The following PCDHA12 variants were observed in gnomAD, a reference collection of about 807,000 sequenced individuals.
PCDHA12 encodes protocadherin alpha-12.
In PCDHA12, 44 loss-of-function variants were observed where a neutral mutation model predicts 60.0. The ratio of observed to expected loss-of-function variants is 0.73; its 90% CI spans 0.58 to 0.94. The LOEUF is 0.94. Ranked by LOEUF, PCDHA12 falls within the 40% of genes least tolerant of loss-of-function variation. The probability of loss-of-function intolerance (pLI) is 0.00; values close to 1 mark genes in which losing one functional copy is unlikely to be tolerated. For synonymous variants in PCDHA12, 569 were observed against 553.0 expected, an observed-to-expected ratio of 1.03 and a Z score of -0.40; for missense variants, 1,276 against 1,239.7, an observed-to-expected ratio of 1.03 and a Z score of -0.44.
chr5:140,994,233 T>A (rs2097606681), intron 3 of PCDHA12, among the ~76,000 whole-genome samples: 1 of 152,138 alleles, frequency 6.6e-6, no homozygotes, highest in Admixed American at 6.5e-5. Context: ...TATGTTATAA[T>A]CAATTCAAAC....
intron 3 of PCDHA12, among the ~76,000 whole-genome samples, chr5:140,986,987 G>A (rs1269328331): frequency 2.6e-5 from 4 of 152,114 alleles, no homozygotes; most frequent in Non-Finnish European, 4.4e-5. Flanking sequence ...GCCAAGGCAG[G>A]CAGATCACTT....
At chr5:141,006,058 G>T (rs1002161598) in intron 3 of PCDHA12, among the ~76,000 whole-genome samples, 2 of 149,786 alleles carry the variant, frequency 1.3e-5, no homozygotes, top group Non-Finnish European at 3.0e-5. Flanking sequence ...GAGTGGAGAA[G>T]AAATAAAAAT....
chr5:140,879,948 C>T (rs1025902128), intron 1 of PCDHA12, among the ~76,000 whole-genome samples: 1 of 152,168 alleles, frequency 6.6e-6, no homozygotes, highest in Non-Finnish European at 1.5e-5. Context: ...ATTTAGGGCC[C>T]ATCTGGATAA....
At chr5:140,877,928 TTC>T in intron 1 of PCDHA12, 89 bp downstream of exon 1, 1 of 1,415,260 alleles carries the variant, frequency 7.1e-7, no homozygotes, top group Non-Finnish European at 9.3e-7. Context: ...TTCTTTATGA[TTC>T]TATCCTTTAA....
chr5:140,973,554 C>T (rs897513375), intron 1 of PCDHA12, among the ~76,000 whole-genome samples: 3 of 152,316 alleles, frequency 2.0e-5, no homozygotes, highest in Admixed American at 6.5e-5. Flanking sequence ...TTTCAATTAC[C>T]TCTTTCCTCA....
At chr5:140,945,178 C>T (rs2093753648) in intron 1 of PCDHA12, among the ~76,000 whole-genome samples, 2 of 151,902 alleles carry the variant, frequency 1.3e-5, no homozygotes, top group Admixed American at 1.3e-4. Flanking sequence ...AAAAATAAAT[C>T]AAGAAAACCA....
chr5:140,979,060 C>T, intron 2 of PCDHA12, 53 bp downstream of exon 2: 1 of 1,606,180 alleles, frequency 6.2e-7, no homozygotes, highest in Non-Finnish European at 8.5e-7. Context: ...TGGTATGGCT[C>T]AGATAAACTG....
intron 1 of PCDHA12, chr5:140,926,589 G>A: frequency 3.4e-6 from 1 of 292,780 alleles, no homozygotes; most frequent in Non-Finnish European, 6.2e-6. Context: ...TCTCGCGCCC[G>A]GGCGGGCGGC....
intron 1 of PCDHA12, among the ~76,000 whole-genome samples, chr5:140,907,970 A>G (rs1312755290): frequency 6.6e-6 from 1 of 152,158 alleles, no homozygotes; most frequent in African/African-American, 2.4e-5. Context: ...CAATTTTCCA[A>G]TCATGCTTCT....
chr5:140,944,410 C>G (rs1339076109), intron 1 of PCDHA12, among the ~76,000 whole-genome samples: 1 of 152,272 alleles, frequency 6.6e-6, no homozygotes, highest in Middle Eastern at 3.4e-3. Flanking sequence ...TGGTCTCGAA[C>G]TCCTGATCTG....
chr5:140,912,993 T>C (rs186652657), intron 1 of PCDHA12, among the ~76,000 whole-genome samples: 1 of 152,294 alleles, frequency 6.6e-6, no homozygotes, highest in Non-Finnish European at 1.5e-5. Flanking sequence ...TTCAGTTTGC[T>C]AGTATTTTGT....
chr5:140,884,967 G>A (rs895578956), intron 1 of PCDHA12, among the ~76,000 whole-genome samples: 2 of 152,134 alleles, frequency 1.3e-5, no homozygotes, highest in African/African-American at 4.8e-5. Context: ...CTCACGTTGT[G>A]AGAACTTAAA....
At position 140,875,743 on chromosome 5, in the gene PCDHA12, G is replaced by T. The variant is rs782705899; in HGVS notation, c.271G>T (p.Asp91Tyr). Reference protein sequence around the residue: ...NGILFVNSRIDREKLCGRSAE... With the variant: ...NGILFVNSRIYREKLCGRSAE... ...CATTTTGTTTGTGAATTCTCGGATCGACCGCGAGAAGCTGTGCGGGCGGAG... is the reference window on the plus strand; with the variant it reads ...CATTTTGTTTGTGAATTCTCGGATCTACCGCGAGAAGCTGTGCGGGCGGAG... The change falls in exon 1 of 4, where the codon GAC becomes TAC. Residue 91 changes from aspartate to tyrosine, a missense_variant. By Grantham distance (160) the Asp-to-Tyr change is radical. Coordinates refer to ENST00000398631, the MANE Select transcript of PCDHA12 (RefSeq NM_018903.4). 1.8e-5 allele frequency: 29 copies of T among 1,614,226 alleles called. No individual in the cohort carries two copies. The highest frequency in any genetic ancestry group is 2.2e-5 in the Non-Finnish European group (26 of 1,180,038).
chr5:141,011,122 A>G lies in PCDHA12; in HGVS notation c.*1185A>G, dbSNP rs1554263297. On this transcript the variant is annotated 3_prime_UTR_variant, in exon 4 of 4. Transcript: ENST00000398631. ...TCTCTCTCTTTTCTAAGAAACAATT[A>G]TGTGCACTTTGATACACAACCTTCT... 1 of 153,686 alleles carries G rather than the reference A, an allele frequency of 6.5e-6. No homozygotes were observed. Among genetic ancestry groups the G allele is most frequent in the Non-Finnish European group, 1.5e-5 (1 of 68,034 alleles). 9.5% of individuals were successfully genotyped at this position (153,686 alleles called of 1,614,324 possible).
At chr5:140,977,559 A>G (rs1383080307) in intron 1 of PCDHA12, among the ~76,000 whole-genome samples, 2 of 152,204 alleles carry the variant, frequency 1.3e-5, no homozygotes. Context: ...ATATCTTGCT[A>G]GCAGATTGGT....
chr5:140,968,739 T>C, intron 1 of PCDHA12: 1 of 1,614,192 alleles, frequency 6.2e-7, no homozygotes, highest in South Asian at 1.1e-5. Context: ...ACTTTCAACC[T>C]GACCGTGGTG....
chr5:140,928,082 T>G, intron 1 of PCDHA12: 1 of 1,614,212 alleles, frequency 6.2e-7, no homozygotes, highest in Non-Finnish European at 8.5e-7. Context: ...TACTACAGCC[T>G]GCTGATTGAT....
In PCDHA12 at chr5:140,967,846, C is replaced by T. The variant is rs151021111; in HGVS notation, c.2368-11103C>T. ...TGGTGGACATCGTGGACGTGAATGA[C>T]AATGCCCCAGAGGTGGTGCTCACGG... On this transcript the variant is annotated intron_variant, in intron 1 of 3. Coordinates refer to ENST00000398631, the MANE Select transcript of PCDHA12 (RefSeq NM_018903.4). 708 of 1,614,166 alleles carry T rather than the reference C, an allele frequency of 4.4e-4. 2 individuals are homozygous for T. Among genetic ancestry groups the T allele is most frequent in the Middle Eastern group, 2.8e-3 (17 of 6,062 alleles).
intron 1 of PCDHA12, among the ~76,000 whole-genome samples, chr5:140,949,542 T>G (rs1418281515): frequency 6.6e-6 from 1 of 151,916 alleles, no homozygotes; most frequent in East Asian, 1.9e-4. Context: ...AATATCGATT[T>G]GTTGCTGGTC....
Sources: allele counts gnomAD v4.1 joint callset (sites outside exome capture counted in the v4.1 genomes callset), GRCh38; gene constraint gnomAD v4.1.1; transcripts MANE v1.5; gene names NCBI Gene and HGNC (gene_info 2026-07-23, HGNC 2026-07-21).